C22orf23: variants seen among roughly 807,000 people sequenced by gnomAD.
The protein encoded by C22orf23 is chromosome 22 open reading frame 23, also known as UPF0193 protein EVG1.
C22orf23 carries 30 observed loss-of-function variants against 29.7 expected under a neutral mutation model. The observed-to-expected ratio is 1.01, with a 90% CI of 0.76 to 1.37. The LOEUF (loss-of-function observed/expected upper bound fraction) is 1.37. Ranked by LOEUF, C22orf23 falls within the 40% of genes most tolerant of loss-of-function variation. C22orf23 has a pLI of 0.00. For synonymous variants in C22orf23, 90 were observed against 96.1 expected, an observed-to-expected ratio of 0.94 and a Z score of 0.37; for missense variants, 237 against 273.1, an observed-to-expected ratio of 0.87 and a Z score of 0.93.
chr22:37,951,512 C>A lies in C22orf23; in HGVS notation c.114G>T (p.Lys38Asn). 2 of 1,613,908 alleles carry A rather than the reference C, an allele frequency of 1.2e-6. No individual in the cohort carries two copies. The highest frequency in any genetic ancestry group is 2.2e-5 in the South Asian group (2 of 91,074). ...GCTGGATGTTCGTCAGTTTGGATTCCTTCATCATCACTGCACGACAAAGCA... is the reference window on the plus strand; with the variant it reads ...GCTGGATGTTCGTCAGTTTGGATTCATTCATCATCACTGCACGACAAAGCA... ...GTCELLRVMM[K>N]ESKLTNIQQR... The change falls in exon 3 of 7, where the codon AAG (lysine) becomes AAT (asparagine). Residue 38 changes from lysine to asparagine, a missense_variant. Lys to Asn is a moderately conservative substitution (Grantham distance 94). Transcript: ENST00000403305.
At chr22:37,951,230 G>A (rs374218107) in intron 3 of C22orf23, 1 of 420,450 alleles carries the variant, frequency 2.4e-6, no homozygotes, top group Non-Finnish European at 4.3e-6. Flanking sequence ...AAAAGGTTTT[G>A]TGGAGATGAG....
chr22:37,947,496 A>T, intron 3 of C22orf23, 33 bp from the exon 4 acceptor site: 2 of 870,504 alleles, frequency 2.3e-6, no homozygotes, highest in Non-Finnish European at 3.2e-6. Context: ...GGGAGGACCC[A>T]CATGGCTTTT....
At chr22:37,945,291 G>A (rs776386134) in intron 4 of C22orf23, 118 bp from the exon 5 acceptor site, 93 of 1,230,188 alleles carry the variant, frequency 7.6e-5, no homozygotes, top group Middle Eastern at 2.7e-4. Context: ...CAGGGCTTCC[G>A]TACACCTGCT....
At chr22:37,949,166 C>A (rs865857837) in intron 3 of C22orf23, among the ~76,000 whole-genome samples, 4 of 152,126 alleles carry the variant, frequency 2.6e-5, no homozygotes, top group South Asian at 2.1e-4. Flanking sequence ...TGTCCATCCC[C>A]CCGCTTGGCC....
intron 3 of C22orf23, chr22:37,950,844 T>G (rs1490331215): frequency 6.6e-6 from 1 of 152,188 alleles, no homozygotes; most frequent in Non-Finnish European, 1.5e-5. Context: ...AGGCGGAGGT[T>G]GTAGTGAGCC....
chr22:37,945,704 C>CCAGGCTGG (rs1930657047), intron 4 of C22orf23, among the ~76,000 whole-genome samples: 1 of 149,004 alleles, frequency 6.7e-6, no homozygotes, highest in Non-Finnish European at 1.5e-5. Context: ...GCCATGTTGC[C>CCAGGCTGG]CAGGCTGGTC....
chr22:37,949,426 G>A (rs1930886389), intron 3 of C22orf23, among the ~76,000 whole-genome samples: 1 of 148,134 alleles, frequency 6.8e-6, no homozygotes, highest in Non-Finnish European at 1.5e-5. Context: ...TGGGATTATG[G>A]TGTGTGCCAC....
chr22:37,945,313 T>C lies in C22orf23; in HGVS notation c.350-140A>G, dbSNP rs555963777. 5 of 1,011,392 alleles carry C rather than the reference T, an allele frequency of 4.9e-6. No individual in the cohort carries two copies. The African/African-American group carries it at 6.6e-5, about 13-fold the overall frequency. The allele number at this position is 1,011,392 out of a possible 1,614,324, so 62.7% of individuals were successfully genotyped here. ...TCCGTACACCTGCTGCTACCCTGGG[T>C]TCTCCTGAGCAATACTGTACTGTCA... On this transcript the variant is annotated intron_variant, in intron 4 of 6. Transcript: ENST00000403305.
chr22:37,947,025 C>T (rs777905470), intron 4 of C22orf23, among the ~76,000 whole-genome samples: 3 of 151,762 alleles, frequency 2.0e-5, no homozygotes, highest in Non-Finnish European at 2.9e-5. Context: ...CCCTGATAGC[C>T]CCTATCATCA....
At chr22:37,946,873 TAAAA>T (rs11361013) in intron 4 of C22orf23, among the ~76,000 whole-genome samples, 1 of 115,086 alleles carries the variant, frequency 8.7e-6, no homozygotes, top group South Asian at 2.8e-4. Context: ...GCTCTGTCTT[TAAAA>T]AAAAAAAAAA....
chr22:37,944,060 C>T lies in C22orf23; in HGVS notation c.*115G>A. 5.2e-6 allele frequency: 5 copies of T among 957,472 alleles called. No individual in the cohort carries two copies. The highest frequency in any genetic ancestry group is 8.5e-6 in the Non-Finnish European group (5 of 587,338). The allele number at this position is 957,472 out of a possible 1,614,324, so 59.3% of individuals were successfully genotyped here. On this transcript the variant is annotated 3_prime_UTR_variant, in exon 7 of 7. Coordinates refer to ENST00000403305, the MANE Select transcript of C22orf23 (RefSeq NM_032561.5). ...GTACTGCAGGGCAGTGCTATGCCAC[C>T]ACCTGACGTGGCAGAAGGCTGGTAG...
chr22:37,953,545 A>G lies in C22orf23; in HGVS notation c.-107T>C. ...AGCCGCATCCGCACCGGTGCCACGC[A>G]GAAATACTGCGCGATCTGGGCTGCT... On this transcript the variant is annotated 5_prime_UTR_variant, in exon 1 of 7. Coordinates refer to ENST00000403305, the MANE Select transcript of C22orf23 (RefSeq NM_032561.5). 1 of 577,412 alleles carries G rather than the reference A, an allele frequency of 1.7e-6. No individual in the cohort carries two copies. The allele number at this position is 577,412 out of a possible 1,614,324, so 35.8% of individuals were successfully genotyped here.
At position 37,945,149 on chromosome 22, in the gene C22orf23, CTT is replaced by C; in HGVS notation, c.372_373del (p.Arg125ThrfsTer29). ...CCCTGTGGCAAAGATATTTTGGAGT[CTT>C]TGTTTCTCCTTCTCCAAATCCCCTG... is the stretch of plus-strand genomic sequence containing the variant. On this transcript the variant is annotated frameshift_variant, in exon 5 of 7. Coordinates refer to ENST00000403305, the MANE Select transcript of C22orf23 (RefSeq NM_032561.5). LOFTEE classifies it high-confidence loss of function. 6 of 1,613,198 alleles carry C rather than the reference CTT, an allele frequency of 3.7e-6. No homozygotes were observed. The highest frequency in any genetic ancestry group is 1.1e-5 in the South Asian group (1 of 90,982).
chr22:37,943,892 T>C lies in C22orf23; in HGVS notation c.*283A>G. Reference sequence around the variant, plus strand: ...TGAACAGGCCACAGGTCAGAAGTGGTGGGAAGCAGGCCCAGTGGATACCTT... The same window carrying C: ...TGAACAGGCCACAGGTCAGAAGTGGCGGGAAGCAGGCCCAGTGGATACCTT... On this transcript the variant is annotated 3_prime_UTR_variant, in exon 7 of 7. Transcript: ENST00000403305. The C allele has an allele frequency of 2.0e-6, 1 of 504,002 alleles. No individual in the cohort carries two copies. Among genetic ancestry groups the C allele is most frequent in the Non-Finnish European group, 3.6e-6 (1 of 278,512 alleles). 31.2% of individuals were successfully genotyped at this position (504,002 alleles called of 1,614,324 possible). A position where few individuals can be genotyped will look rare whatever the true frequency, so the allele number is the denominator to read the frequency against.
Position 37,944,152 on chromosome 22 carries a change from C to G in C22orf23, c.*23G>C. 1 of 1,610,416 alleles carries G rather than the reference C, an allele frequency of 6.2e-7. No individual in the cohort carries two copies. ...GACTCCAGTGGTCGAGCTTGGGCTACCCTGCCCGTCTCTGGAGACAGATTA... is the reference window on the plus strand; with the variant it reads ...GACTCCAGTGGTCGAGCTTGGGCTAGCCTGCCCGTCTCTGGAGACAGATTA... On this transcript the variant is annotated 3_prime_UTR_variant, in exon 7 of 7. Coordinates refer to ENST00000403305, the MANE Select transcript of C22orf23 (RefSeq NM_032561.5).
At chr22:37,947,613 C>G (rs187664254) in intron 3 of C22orf23, 150 bp from the exon 4 acceptor site, 78 of 618,884 alleles carry the variant, frequency 1.3e-4, no homozygotes, top group Non-Finnish European at 1.6e-4. Flanking sequence ...TAGGTTCAAG[C>G]GATTCTCCTG....
intron 2 of C22orf23, 49 bp downstream of exon 2, chr22:37,952,998 C>T: frequency 1.4e-6 from 2 of 1,409,880 alleles, no homozygotes; most frequent in Admixed American, 3.8e-5. Flanking sequence ...TTCCACGAAA[C>T]CGGTCCCTGG....
At chr22:37,951,224 G>T in intron 3 of C22orf23, 1 of 406,792 alleles carries the variant, frequency 2.5e-6, no homozygotes, top group Non-Finnish European at 4.4e-6. Flanking sequence ...AAAAAAAAAA[G>T]GTTTTGTGGA....
Position 37,951,444 on chromosome 22 carries a change from G to A in C22orf23, c.166+16C>T, listed in dbSNP as rs200370493. The A allele has an allele frequency of 2.8e-3, 4,499 of 1,612,162 alleles. 9 individuals carry two copies. Among genetic ancestry groups the A allele is most frequent in the Non-Finnish European group, 3.3e-3 (3,928 of 1,178,316 alleles). On this transcript the variant is annotated intron_variant, in intron 3 of 6. Coordinates refer to ENST00000403305, the MANE Select transcript of C22orf23 (RefSeq NM_032561.5). The stretch of plus-strand genomic sequence containing the variant: ...AGATCCCTCTGTCCAGGAAGCCTCT[G>A]TGGACTGCCCCTTACTTTTCATGAT...
Sources: allele counts gnomAD v4.1 joint callset (sites outside exome capture counted in the v4.1 genomes callset), GRCh38; gene constraint gnomAD v4.1.1; transcripts MANE v1.5; gene names NCBI Gene and HGNC (gene_info 2026-07-23, HGNC 2026-07-21).